Variants in PRKD3 observed in about 807,000 individuals in gnomAD.
PRKD3 encodes the protein protein kinase D3.
PRKD3 carries 47 observed loss-of-function variants against 99.2 expected under a neutral mutation model. That is an observed-to-expected ratio of 0.47 (90% confidence interval 0.38 to 0.60). PRKD3 has a LOEUF of 0.60. PRKD3 is among the 20% of genes least tolerant of loss of function. The pLI, the probability that PRKD3 is intolerant of heterozygous loss-of-function variation, is 0.00. For missense variants in PRKD3, 1,019 were observed against 1,088.4 expected, an observed-to-expected ratio of 0.94 and a Z score of 0.90; for synonymous variants, 392 against 355.4, an observed-to-expected ratio of 1.10 and a Z score of -1.16.
intron 2 of PRKD3, among the ~76,000 whole-genome samples, chr2:37,294,833 G>C (rs1670602918): frequency 6.6e-6 from 1 of 152,182 alleles, no homozygotes; most frequent in South Asian, 2.1e-4. Context: ...CCAGCACTTT[G>C]GAAGGCCAAG....
intron 12 of PRKD3, among the ~76,000 whole-genome samples, chr2:37,270,113 G>A (rs2148526403): frequency 6.6e-6 from 1 of 152,120 alleles, no homozygotes; most frequent in South Asian, 2.1e-4. Flanking sequence ...TGTAATCCTA[G>A]CTACTCGGGA....
intron 1 of PRKD3, among the ~76,000 whole-genome samples, chr2:37,323,772 G>A (rs1572715087): frequency 6.6e-6 from 1 of 152,180 alleles, no homozygotes; most frequent in East Asian, 1.9e-4. Context: ...TCTCATAAAA[G>A]CTGTGTCGCA....
intron 13 of PRKD3, 46 bp from the exon 14 acceptor site, chr2:37,267,582 T>TG: frequency 1.5e-6 from 2 of 1,350,502 alleles, no homozygotes; most frequent in Non-Finnish European, 2.1e-6. Context: ...AACTGACAGC[T>TG]TTATTAGGGA....
intron 9 of PRKD3, among the ~76,000 whole-genome samples, 175 bp from the exon 10 acceptor site, chr2:37,276,019 C>T (rs1669550528): frequency 6.6e-6 from 1 of 152,082 alleles, no homozygotes; most frequent in Non-Finnish European, 1.5e-5. Context: ...AGTATCACTT[C>T]CACCATCACT....
At chr2:37,322,583 G>C (rs1184296414) in intron 1 of PRKD3, among the ~76,000 whole-genome samples, 1 of 152,222 alleles carries the variant, frequency 6.6e-6, no homozygotes, top group East Asian at 1.9e-4. Flanking sequence ...ACAGATGTTA[G>C]TCTCTGCACC....
At chr2:37,314,020 C>A (rs574425383) in intron 2 of PRKD3, among the ~76,000 whole-genome samples, 1 of 151,654 alleles carries the variant, frequency 6.6e-6, no homozygotes, top group Admixed American at 6.6e-5. Flanking sequence ...AATAAGAGAG[C>A]GCCAAAAAAT....
At chr2:37,295,173 C>T (rs1428501809) in intron 2 of PRKD3, among the ~76,000 whole-genome samples, 1 of 152,160 alleles carries the variant, frequency 6.6e-6, no homozygotes, top group Non-Finnish European at 1.5e-5. Context: ...GTGCAAGATA[C>T]TGGCCCCACA....
chr2:37,271,905 T>G (rs1669292077), intron 12 of PRKD3, among the ~76,000 whole-genome samples: 1 of 152,188 alleles, frequency 6.6e-6, no homozygotes, highest in South Asian at 2.1e-4. Flanking sequence ...CATACCTACA[T>G]ACACCAGCCA....
chr2:37,293,495 G>A (rs1359603276), intron 2 of PRKD3, among the ~76,000 whole-genome samples: 1 of 152,160 alleles, frequency 6.6e-6, no homozygotes, highest in Admixed American at 6.5e-5. Flanking sequence ...AATCATTGAT[G>A]ATTTTAAAAT....
In PRKD3 at chr2:37,250,850, C is replaced by CT. The variant is rs1667428423; in HGVS notation, c.*2326dup. ...TATCAAATGTTTCTAGCAATTACTT[C>CT]TTTTACAAACACGACTTAAAGACAA... On this transcript the variant is annotated 3_prime_UTR_variant, in exon 19 of 19. Coordinates refer to ENST00000234179, the MANE Select transcript of PRKD3 (RefSeq NM_005813.6). 6.6e-6 allele frequency: 1 copy of CT among 152,570 alleles called. No individual in the cohort carries two copies. The highest frequency in any genetic ancestry group is 2.4e-5 in the African/African-American group (1 of 41,418). 9.5% of individuals were successfully genotyped at this position (152,570 alleles called of 1,614,324 possible). A position where few individuals can be genotyped will look rare whatever the true frequency, so the allele number is the denominator to read the frequency against.
Position 37,251,125 on chromosome 2 carries a change from T to C in PRKD3, c.*2052A>G, listed in dbSNP as rs996796199. 1.0e-4 allele frequency: 16 copies of C among 152,610 alleles called. No individual in the cohort carries two copies. Among genetic ancestry groups the C allele is most frequent in the Admixed American group, 2.6e-4 (4 of 15,272 alleles). The allele number at this position is 152,610 out of a possible 1,614,324, so 9.5% of individuals were successfully genotyped here. ...AGTGACTCAGAATTATTCCATTTTG[T>C]GTGTGTTGATATAAACAGACTTTGG... On this transcript the variant is annotated 3_prime_UTR_variant, in exon 19 of 19. Coordinates refer to ENST00000234179, the MANE Select transcript of PRKD3 (RefSeq NM_005813.6).
At chr2:37,275,689 A>G (rs1424532366) in intron 10 of PRKD3, 78 bp downstream of exon 10, 26 of 1,427,488 alleles carry the variant, frequency 1.8e-5, no homozygotes, top group South Asian at 3.0e-5. Flanking sequence ...ATATTCAAAT[A>G]TAACAGTTAA....
intron 13 of PRKD3, chr2:37,269,288 CT>C (rs1669059991): frequency 7.0e-6 from 2 of 283,888 alleles, no homozygotes; most frequent in African/African-American, 2.2e-5. Context: ...AGGGAATATA[CT>C]TCAATGAATA....
intron 2 of PRKD3, among the ~76,000 whole-genome samples, chr2:37,311,216 G>C (rs1460240098): frequency 6.6e-6 from 1 of 152,202 alleles, no homozygotes; most frequent in Non-Finnish European, 1.5e-5. Context: ...AAGTACTACA[G>C]TTGGTGATGG....
chr2:37,264,026 A>C (rs1021216694), intron 14 of PRKD3, among the ~76,000 whole-genome samples: 1 of 151,860 alleles, frequency 6.6e-6, no homozygotes, highest in Non-Finnish European at 1.5e-5. Context: ...TTCTCCCACT[A>C]CTCTACTACC....
At chr2:37,297,027 T>G (rs1171542232) in intron 2 of PRKD3, among the ~76,000 whole-genome samples, 2 of 151,844 alleles carry the variant, frequency 1.3e-5, no homozygotes, top group Non-Finnish European at 2.9e-5. Context: ...GAGCACACAT[T>G]CATTATGAAG....
In PRKD3 at chr2:37,260,450, G is replaced by A. The variant is rs1364618890; in HGVS notation, c.1885-66C>T. 2.1e-6 allele frequency: 3 copies of A among 1,395,416 alleles called. No homozygotes were observed. In the African/African-American group the frequency reaches 4.3e-5, roughly 20 times the overall value. 86.4% of individuals were successfully genotyped at this position (1,395,416 alleles called of 1,614,324 possible). ...GAAACAGTTTTACTAATATCTAGAT[G>A]TGCTATGATTGTCTGAAATGGCACA... On this transcript the variant is annotated intron_variant, in intron 14 of 18. Coordinates refer to ENST00000234179, the MANE Select transcript of PRKD3 (RefSeq NM_005813.6).
chr2:37,278,251 G>A lies in PRKD3; in HGVS notation c.1173-262C>T, dbSNP rs537328401. On this transcript the variant is annotated intron_variant, in intron 8 of 18. Coordinates refer to ENST00000234179, the MANE Select transcript of PRKD3 (RefSeq NM_005813.6). ...AAAAAAAAAATTAAAAACAATGAGC[G>A]GAATAGAAAGTACCCTCCCAAACTG... 9.0e-4 allele frequency: 204 copies of A among 226,736 alleles called. 2 individuals carry two copies. The South Asian group carries it at 0.012, about 13-fold the overall frequency. The allele number at this position is 226,736 out of a possible 1,614,324, so 14.0% of individuals were successfully genotyped here. A position where few individuals can be genotyped will look rare whatever the true frequency, so the allele number is the denominator to read the frequency against.
rs1667483913 is a variant in PRKD3 at position 37,251,447 on chromosome 2, T to G, written c.*1730A>C. 1 of 152,544 alleles carries G rather than the reference T, an allele frequency of 6.6e-6. No individual in the cohort carries two copies. The highest frequency in any genetic ancestry group is 1.5e-5 in the Non-Finnish European group (1 of 68,010). The allele number at this position is 152,544 out of a possible 1,614,324, so 9.4% of individuals were successfully genotyped here. On this transcript the variant is annotated 3_prime_UTR_variant, in exon 19 of 19. Coordinates refer to ENST00000234179, the MANE Select transcript of PRKD3 (RefSeq NM_005813.6). Reference sequence around the variant, plus strand: ...TCTTTAAGATGAAGCTCATAATGACTTAACACTATGGCTGCTGTGAGGGTA... The same window carrying G: ...TCTTTAAGATGAAGCTCATAATGACGTAACACTATGGCTGCTGTGAGGGTA...
Sources: allele counts gnomAD v4.1 joint callset (sites outside exome capture counted in the v4.1 genomes callset), GRCh38; gene constraint gnomAD v4.1.1; transcripts MANE v1.5; gene names NCBI Gene and HGNC (gene_info 2026-07-23, HGNC 2026-07-21).